RNLS: variants seen among roughly 807,000 people sequenced by gnomAD.
The protein encoded by RNLS is renalase, FAD dependent amine oxidase, also known as renalase.
In RNLS, 39 loss-of-function variants were observed where a neutral mutation model predicts 39.8. The ratio of observed to expected loss-of-function variants is 0.98; its 90% CI spans 0.76 to 1.28. The LOEUF (loss-of-function observed/expected upper bound fraction) is 1.28, where lower values mean the gene tolerates loss of function less well. RNLS is among the 50% of genes most tolerant of loss of function. The pLI is 0.00. For synonymous variants in RNLS, 147 were observed against 150.7 expected, an observed-to-expected ratio of 0.98 and a Z score of 0.18; for missense variants, 410 against 413.3, an observed-to-expected ratio of 0.99 and a Z score of 0.07.
the RNLS span, among the ~76,000 whole-genome samples, chr10:88,266,968 ATTTGAATCGTTGTC>A: frequency 6.6e-6 from 1 of 152,080 alleles, no homozygotes; most frequent in Non-Finnish European, 1.5e-5. Flanking sequence ...GTCATCTCAA[ATTTGAATCGTTGTC>A]TTTGGTCTTC....
At chr10:88,316,031 C>A (rs1845740047) in intron 5 of RNLS, among the ~76,000 whole-genome samples, 1 of 152,136 alleles carries the variant, frequency 6.6e-6, no homozygotes, top group African/African-American at 2.4e-5. Flanking sequence ...ACAAGGAACC[C>A]TGGTTTATGA....
At chr10:88,545,643 G>C (rs1848267070) in intron 4 of RNLS, among the ~76,000 whole-genome samples, 1 of 152,070 alleles carries the variant, frequency 6.6e-6, no homozygotes, top group Non-Finnish European at 1.5e-5. Flanking sequence ...GAACTGGGTG[G>C]GGACACAGCC....
intron 6 of RNLS, among the ~76,000 whole-genome samples, chr10:88,287,099 G>T (rs2132631870): frequency 1.3e-5 from 2 of 152,190 alleles, no homozygotes; most frequent in South Asian, 4.1e-4. Context: ...TACAGAGCCT[G>T]CAGTTTTCTT....
chr10:88,548,703 T>C (rs1404771395), intron 4 of RNLS, among the ~76,000 whole-genome samples: 1 of 148,102 alleles, frequency 6.8e-6, no homozygotes. Flanking sequence ...ATATATATTA[T>C]ATTTAATACA....
At chr10:88,518,555 C>T (rs1474055864) in intron 4 of RNLS, among the ~76,000 whole-genome samples, 1 of 151,906 alleles carries the variant, frequency 6.6e-6, no homozygotes, top group Non-Finnish European at 1.5e-5. Flanking sequence ...TTCATCTCTC[C>T]CATTATACTA....
the RNLS span, among the ~76,000 whole-genome samples, chr10:88,199,106 C>A: frequency 6.6e-6 from 1 of 152,010 alleles, no homozygotes; most frequent in Admixed American, 6.6e-5. Context: ...GTAGGAAATC[C>A]CACTGTTTCT....
intron 3 of RNLS, among the ~76,000 whole-genome samples, chr10:88,581,294 G>GTGTGTATATATA (rs1376395535): frequency 6.9e-5 from 9 of 129,860 alleles, no homozygotes; most frequent in South Asian, 2.4e-4. Flanking sequence ...GTGTGTGTGT[G>GTGTGTATATATA]TATATATATA....
At chr10:88,577,627 C>T (rs1012228243) in intron 3 of RNLS, among the ~76,000 whole-genome samples, 1 of 152,134 alleles carries the variant, frequency 6.6e-6, no homozygotes, top group African/African-American at 2.4e-5. Flanking sequence ...CTCACCCCAG[C>T]ATAATGACAA....
intron 5 of RNLS, among the ~76,000 whole-genome samples, chr10:88,343,034 C>T (rs577048333): frequency 6.6e-6 from 1 of 152,156 alleles, no homozygotes; most frequent in South Asian, 2.1e-4. Context: ...CTTTATAAAA[C>T]ATCTGCTGAC....
At chr10:88,373,154 T>TACAGATACATATTTTTAC (rs1850703683) in intron 4 of RNLS, among the ~76,000 whole-genome samples, 1 of 152,170 alleles carries the variant, frequency 6.6e-6, no homozygotes, top group Non-Finnish European at 1.5e-5. Flanking sequence ...CATATTTTTA[T>TACAGATACATATTTTTAC]ACAGATACAT....
downstream of RNLS, among the ~76,000 whole-genome samples, chr10:88,272,901 G>C (rs1320254583): frequency 6.6e-6 from 1 of 152,180 alleles, no homozygotes; most frequent in African/African-American, 2.4e-5. Context: ...CCTTGGGGAA[G>C]TTTAAGGCAA....
intron 4 of RNLS, among the ~76,000 whole-genome samples, chr10:88,495,781 C>G (rs751863050): frequency 2.6e-5 from 4 of 152,008 alleles, no homozygotes; most frequent in Non-Finnish European, 5.9e-5. Flanking sequence ...GCCCAAGTGA[C>G]AAGGAATCCG....
chr10:88,266,099 T>C, the RNLS span, among the ~76,000 whole-genome samples: 3 of 152,118 alleles, frequency 2.0e-5, no homozygotes, highest in East Asian at 5.8e-4. Context: ...GCTGGTAAAA[T>C]TTGATGCATA....
intron 4 of RNLS, among the ~76,000 whole-genome samples, chr10:88,407,716 A>G (rs952046774): frequency 6.6e-6 from 1 of 152,068 alleles, no homozygotes; most frequent in Non-Finnish European, 1.5e-5. Flanking sequence ...AACCTAGGGA[A>G]TCACAATTGT....
At chr10:88,211,798 G>T in the RNLS span, among the ~76,000 whole-genome samples, 4,804 of 152,274 alleles carry the variant, frequency 0.032, 158 homozygotes, top group South Asian at 0.13. Flanking sequence ...ATGAAGGACT[G>T]CTGTAGGATT....
intron 4 of RNLS, among the ~76,000 whole-genome samples, chr10:88,554,943 G>T (rs1036897701): frequency 1.7e-4 from 26 of 152,070 alleles, no homozygotes; most frequent in African/African-American, 5.6e-4. Context: ...TCACAGAAAA[G>T]CTCATCTAAA....
intron 4 of RNLS, among the ~76,000 whole-genome samples, chr10:88,416,035 AC>A (rs1168889558): frequency 1.3e-5 from 2 of 151,866 alleles, no homozygotes; most frequent in African/African-American, 4.8e-5. Context: ...GACCTTCATG[AC>A]CCCTACTTCC....
At chr10:88,330,092 A>ATATATATATATATATATATATATATAT (rs750773423) in intron 5 of RNLS, among the ~76,000 whole-genome samples, 1 of 138,244 alleles carries the variant, frequency 7.2e-6, no homozygotes, top group African/African-American at 2.7e-5. Flanking sequence ...TATATATATA[A>ATATATATATATATATATATATATATAT]ATATAAATAT....
exon 7 of RNLS, chr10:88,274,100 A>AGTGT (rs1175997267): frequency 6.6e-6 from 1 of 152,198 alleles, no homozygotes; most frequent in Non-Finnish European, 1.5e-5. Flanking sequence ...TCTGCTAGAG[A>AGTGT]GAGGGGCCTC....
Sources: allele counts gnomAD v4.1 joint callset (sites outside exome capture counted in the v4.1 genomes callset), GRCh38; gene constraint gnomAD v4.1.1; transcripts MANE v1.5; gene names NCBI Gene and HGNC (gene_info 2026-07-23, HGNC 2026-07-21).